The following ITSN1 variants were observed in gnomAD, a reference collection of about 807,000 sequenced individuals.
ITSN1 encodes the protein intersectin-1.
ITSN1 carries 58 observed loss-of-function variants against 239.8 expected under a neutral mutation model. The ratio of observed to expected loss-of-function variants is 0.24; its 90% CI spans 0.20 to 0.30. The LOEUF (loss-of-function observed/expected upper bound fraction) is 0.30, where lower values mean the gene tolerates loss of function less well. ITSN1 is among the 10% of genes least tolerant of loss of function. ITSN1 has a pLI of 1.00. For missense variants in ITSN1, 1,558 were observed against 2,103.3 expected, an observed-to-expected ratio of 0.74 and a Z score of 5.07; for synonymous variants, 780 against 770.8, an observed-to-expected ratio of 1.01 and a Z score of -0.20.
intron 4 of ITSN1, among the ~76,000 whole-genome samples, chr21:33,723,118 G>A (rs1350560295): frequency 6.6e-6 from 1 of 152,150 alleles, no homozygotes; most frequent in Non-Finnish European, 1.5e-5. Flanking sequence ...ATCACAAATA[G>A]GCATTCAATC....
At chr21:33,851,808 G>A in intron 29 of ITSN1, among the ~76,000 whole-genome samples, 1 of 99,882 alleles carries the variant, frequency 1.0e-5, no homozygotes. Context: ...TCCTGAGACA[G>A]GTGCTCGCTC....
chr21:33,840,098 G>C (rs75206139), intron 29 of ITSN1, among the ~76,000 whole-genome samples: 4,610 of 152,266 alleles, frequency 0.03, 236 homozygotes, highest in African/African-American at 0.11. Flanking sequence ...TCGTGTATCT[G>C]CAGCATCAAA....
chr21:33,648,052 A>G (rs753723752), intron 1 of ITSN1, among the ~76,000 whole-genome samples: 2 of 152,202 alleles, frequency 1.3e-5, no homozygotes, highest in Admixed American at 6.5e-5. Context: ...TACTCTTACC[A>G]TGGTATATCA....
intron 9 of ITSN1, among the ~76,000 whole-genome samples, chr21:33,763,950 C>T (rs1226270828): frequency 2.0e-5 from 3 of 152,210 alleles, no homozygotes; most frequent in African/African-American, 4.8e-5. Flanking sequence ...GCTTCCTTTG[C>T]CCTTCTCTTC....
intron 1 of ITSN1, among the ~76,000 whole-genome samples, chr21:33,702,350 C>A (rs976691605): frequency 1.3e-5 from 2 of 152,080 alleles, no homozygotes; most frequent in African/African-American, 2.4e-5. Flanking sequence ...CACCTGACCT[C>A]AGGCGATCTG....
At position 33,642,571 on chromosome 21, in the gene ITSN1, AAG is replaced by A. The variant is rs1216435195; in HGVS notation, c.-173_-172del. On this transcript the variant is annotated 5_prime_UTR_variant, in exon 1 of 40. Transcript: ENST00000381318. ...CTCCGTAGTACGGCGGCTCGCGAGG[AAG>A]AATCCCGAGCGGGCTCCGGGACGGA... The A allele has an allele frequency of 6.5e-6, 1 of 152,900 alleles. No homozygotes were observed. The highest frequency in any genetic ancestry group is 1.5e-5 in the Non-Finnish European group (1 of 68,278). 9.5% of individuals were successfully genotyped at this position (152,900 alleles called of 1,614,324 possible).
At chr21:33,708,824 GAATT>G (rs2146928536) in intron 1 of ITSN1, among the ~76,000 whole-genome samples, 1 of 152,270 alleles carries the variant, frequency 6.6e-6, no homozygotes, top group East Asian at 1.9e-4. Flanking sequence ...GACCCGTTTT[GAATT>G]AATTTTTGTG....
intron 29 of ITSN1, among the ~76,000 whole-genome samples, chr21:33,849,833 C>T (rs1036637268): frequency 1.3e-5 from 2 of 152,168 alleles, no homozygotes; most frequent in Non-Finnish European, 2.9e-5. Context: ...AACCAACAGG[C>T]TCCTCCTTCA....
chr21:33,799,088 G>A (rs372980434), intron 18 of ITSN1, among the ~76,000 whole-genome samples: 3 of 152,152 alleles, frequency 2.0e-5, no homozygotes, highest in East Asian at 3.8e-4. Context: ...CAAAATACTT[G>A]TAGCTCTTGA....
At chr21:33,698,343 T>A (rs1277069225) in intron 1 of ITSN1, among the ~76,000 whole-genome samples, 1 of 152,196 alleles carries the variant, frequency 6.6e-6, no homozygotes, top group Non-Finnish European at 1.5e-5. Flanking sequence ...CATCCCCTGC[T>A]GCCACTCCCC....
chr21:33,690,789 ACATATATATATATATATATATATATG>A (rs1320169321), intron 1 of ITSN1, among the ~76,000 whole-genome samples: 575 of 9,806 alleles, frequency 0.059, 91 homozygotes, highest in African/African-American at 0.15. Flanking sequence ...ATATATATAT[ACATATATATATATATATATATATATG>A]TATATATATA....
At chr21:33,790,770 A>G (rs2071062172) in intron 16 of ITSN1, among the ~76,000 whole-genome samples, 1 of 152,216 alleles carries the variant, frequency 6.6e-6, no homozygotes, top group Admixed American at 6.5e-5. Context: ...TGATACTTTC[A>G]GTGTGGTGAA....
At chr21:33,722,444 A>G in intron 3 of ITSN1, 144 bp from the exon 4 acceptor site, 1 of 1,040,688 alleles carries the variant, frequency 9.6e-7, no homozygotes. Flanking sequence ...CTATGGGCTT[A>G]TCCTTGGACT....
At chr21:33,690,790 C>CATATAT (rs1167375498) in intron 1 of ITSN1, among the ~76,000 whole-genome samples, 5 of 12,962 alleles carry the variant, frequency 3.9e-4, no homozygotes, top group South Asian at 4.4e-3. Flanking sequence ...TATATATATA[C>CATATAT]ATATATATAT....
At chr21:33,723,673 C>T (rs1321933667) in intron 4 of ITSN1, among the ~76,000 whole-genome samples, 1 of 151,984 alleles carries the variant, frequency 6.6e-6, no homozygotes, top group African/African-American at 2.4e-5. Context: ...CCAGGTGTAC[C>T]ATTTTCAGTG....
chr21:33,788,136 A>T (rs1351265119), intron 16 of ITSN1, among the ~76,000 whole-genome samples: 1 of 152,176 alleles, frequency 6.6e-6, no homozygotes, highest in African/African-American at 2.4e-5. Flanking sequence ...GGAAATTCAG[A>T]TTTTCAGGAC....
chr21:33,722,487 T>A, intron 3 of ITSN1, 101 bp from the exon 4 acceptor site: 1 of 1,406,366 alleles, frequency 7.1e-7, no homozygotes, highest in Non-Finnish European at 9.4e-7. Context: ...TTTATAGTAT[T>A]ACCAGCCTCT....
In ITSN1 at chr21:33,755,395, C is replaced by T; in HGVS notation, c.722C>T (p.Thr241Ile). 1 of 1,480,044 alleles carries T rather than the reference C, an allele frequency of 6.8e-7. No homozygotes were observed. The highest frequency in any genetic ancestry group is 9.3e-7 in the Non-Finnish European group (1 of 1,071,224). 91.7% of individuals were successfully genotyped at this position (1,480,044 alleles called of 1,614,324 possible). A position where few individuals can be genotyped will look rare whatever the true frequency, so the allele number is the denominator to read the frequency against. ...SHDKTMSGHLTGPQARTILMQ... is the reference protein window; with the variant it reads ...SHDKTMSGHLIGPQARTILMQ... Reference sequence around the variant, plus strand: ...GACAAAACTATGAGTGGACACTTAACAGGTATTTACAAATAAAAATTAGTG... The same window carrying T: ...GACAAAACTATGAGTGGACACTTAATAGGTATTTACAAATAAAAATTAGTG... The change falls in exon 8 of 40, where the codon ACA (threonine) becomes ATA (isoleucine). Residue 241 changes from threonine (T) to isoleucine (I), a missense_variant and splice_region_variant. Thr to Ile is a moderately conservative substitution (Grantham distance 89). Around this residue, in one of 2 missense-constraint regions of ITSN1, gnomAD observed 982 missense variants for 1,209.9 expected, o/e 0.81. Transcript: ENST00000381318.
intron 1 of ITSN1, among the ~76,000 whole-genome samples, chr21:33,700,432 C>A (rs146283631): frequency 1.0e-3 from 152 of 152,204 alleles, no homozygotes; most frequent in African/African-American, 3.5e-3. Flanking sequence ...TGTCCTTACT[C>A]CTCTGGCCTC....
Sources: gnomAD v4.1 joint callset for allele counts (sites outside exome capture counted in the v4.1 genomes callset) on GRCh38, gnomAD v4.1.1 for gene constraint, gnomAD v4.1.1 regional missense constraint, MANE v1.5 for transcripts, NCBI Gene and HGNC (gene_info 2026-07-23, HGNC 2026-07-21) for gene names.